The following HERC1 variants were observed in gnomAD, a reference collection of about 807,000 sequenced individuals.
HERC1 encodes probable E3 ubiquitin-protein ligase HERC1.
Under a neutral mutation model 554.3 loss-of-function variants are expected in HERC1, and 160 were observed. The observed-to-expected ratio is 0.29, with a 90% CI of 0.25 to 0.33. HERC1 has a LOEUF of 0.33. Among genes scored for constraint, HERC1 ranks in the 10% least tolerant of loss-of-function variants. The pLI, the probability that HERC1 is intolerant of heterozygous loss-of-function variation, is 1.00. For synonymous variants in HERC1, 2,175 were observed against 2,131.7 expected, an observed-to-expected ratio of 1.02 and a Z score of -0.56; for missense variants, 4,919 against 5,918.5, an observed-to-expected ratio of 0.83 and a Z score of 5.54.
At chr15:63,626,243 T>A in intron 70 of HERC1, 89 bp from the exon 71 acceptor site, 1 of 1,303,778 alleles carries the variant, frequency 7.7e-7, no homozygotes, top group Non-Finnish European at 1.1e-6. Context: ...ACAGAGAAGT[T>A]GAGATAATTA....
intron 26 of HERC1, 54 bp downstream of exon 26, chr15:63,698,674 G>C: frequency 6.6e-7 from 1 of 1,521,228 alleles, no homozygotes. Flanking sequence ...TACATTCAAT[G>C]GTTCAGTTTT....
chr15:63,723,076 A>T, intron 19 of HERC1, 106 bp downstream of exon 19: 3 of 622,040 alleles, frequency 4.8e-6, no homozygotes, highest in Non-Finnish European at 7.2e-6. Flanking sequence ...TTTTTCTATT[A>T]AAAAAAAGGG....
At chr15:63,739,721 C>G (rs1311879517) in intron 12 of HERC1, among the ~76,000 whole-genome samples, 2 of 151,982 alleles carry the variant, frequency 1.3e-5, no homozygotes, top group East Asian at 3.9e-4. Context: ...CGCCTGCAGT[C>G]CCGGCTACTC....
intron 5 of HERC1, among the ~76,000 whole-genome samples, chr15:63,755,604 C>G (rs532979182): frequency 1.3e-5 from 2 of 152,170 alleles, no homozygotes; most frequent in South Asian, 4.2e-4. Flanking sequence ...CATGGCAAAA[C>G]CCTGTTTCTT....
chr15:63,619,156 T>A (rs1318165919), intron 74 of HERC1, among the ~76,000 whole-genome samples: 1 of 152,204 alleles, frequency 6.6e-6, no homozygotes, highest in East Asian at 1.9e-4. Context: ...TCTTACTATT[T>A]TGAGATATGT....
At chr15:63,825,870 C>G (rs1280881839) in intron 1 of HERC1, among the ~76,000 whole-genome samples, 7 of 151,876 alleles carry the variant, frequency 4.6e-5, no homozygotes, top group African/African-American at 1.7e-4. Flanking sequence ...TCAAGTGATT[C>G]TCCTGCCTCA....
intron 2 of HERC1, among the ~76,000 whole-genome samples, chr15:63,767,786 T>C (rs932271942): frequency 2.6e-5 from 4 of 152,228 alleles, no homozygotes; most frequent in Admixed American, 2.0e-4. Context: ...GAGCTGAGTA[T>C]TACATGGCAG....
intron 77 of HERC1, among the ~76,000 whole-genome samples, chr15:63,609,591 G>C (rs1386586590): frequency 6.6e-6 from 1 of 152,184 alleles, no homozygotes; most frequent in Non-Finnish European, 1.5e-5. Flanking sequence ...TGTAGTAAGA[G>C]GGCACCTGTC....
Position 63,712,910 on chromosome 15 carries a change from C to CA in HERC1, c.4464-16dup, listed in dbSNP as rs369792267. 5.3e-3 allele frequency: 7,330 copies of CA among 1,372,942 alleles called. 54 individuals are homozygous for CA. Among genetic ancestry groups the CA allele is most frequent in the African/African-American group, 0.05 (3,332 of 66,846 alleles). The allele number at this position is 1,372,942 out of a possible 1,614,324, so 85.0% of individuals were successfully genotyped here. A position where few individuals can be genotyped will look rare whatever the true frequency, so the allele number is the denominator to read the frequency against. ...GACTTTCACTCCTGTCTCACATGTA[C>CA]AAAAAAAAAAGTTTTTTGATTTAGG... On this transcript the variant is annotated splice_polypyrimidine_tract_variant and intron_variant, in intron 23 of 77. Coordinates refer to ENST00000443617, the MANE Select transcript of HERC1 (RefSeq NM_003922.4).
intron 1 of HERC1, among the ~76,000 whole-genome samples, chr15:63,808,515 G>T (rs2077200097): frequency 6.6e-6 from 1 of 152,050 alleles, no homozygotes; most frequent in Admixed American, 6.5e-5. Context: ...CAAACTCCTG[G>T]CCTCAAGCAA....
rs1228727904 is a variant in HERC1, at chr15:63,616,458, C to T, written c.13913G>A (p.Ser4638Asn). 6.2e-7 allele frequency: 1 copy of T among 1,613,890 alleles called. No individual in the cohort carries two copies. ...TLNSILHIED[S>N]GITEESFHEM... ...ATGGAAACTCTCCTCGGTAATCCCA[C>T]TGTCTTCAATGTGAAGAATGCTGTT... The change falls in exon 75 of 78, where the codon AGT becomes AAT. Residue 4638 changes from serine to asparagine, a missense_variant. By Grantham distance (46) the Ser-to-Asn change is conservative (BLOSUM62 1). This residue lies in a region of HERC1 where 284 missense variants were observed against 294.1 expected (regional missense o/e 0.97). Transcript: ENST00000443617.
intron 68 of HERC1, among the ~76,000 whole-genome samples, chr15:63,631,921 ACT>A (rs200527326): frequency 6.6e-6 from 1 of 150,888 alleles, no homozygotes; most frequent in African/African-American, 2.4e-5. Flanking sequence ...CTCATTCTAT[ACT>A]CTCTCTCTCT....
chr15:63,639,470 T>A (rs1380044577), intron 61 of HERC1, among the ~76,000 whole-genome samples: 2 of 152,168 alleles, frequency 1.3e-5, no homozygotes, highest in Non-Finnish European at 2.9e-5. Flanking sequence ...ATTCCCAGCG[T>A]CAAGATTGCC....
chr15:63,646,732 C>G (rs1216429943), intron 55 of HERC1, among the ~76,000 whole-genome samples: 1 of 151,094 alleles, frequency 6.6e-6, no homozygotes, highest in African/African-American at 2.4e-5. Context: ...TGCTTGAACC[C>G]GGGAAGCAGA....
rs1382463360 is a variant in HERC1, at chr15:63,626,050, G to A, written c.13210C>T (p.Leu4404Phe). The A allele has an allele frequency of 6.2e-7, 1 of 1,612,734 alleles. No homozygotes were observed. The highest frequency in any genetic ancestry group is 8.5e-7 in the Non-Finnish European group (1 of 1,179,412). ...TACATGAGGTCAGAGAAGTGGTAGA[G>A]CAGCCGGAGCCTGGCCCGCACCGTG... ...IHTVRARLRL[L>F]YHFSDLMYSS... Residue 4404 changes from leucine (L) to phenylalanine (F), a missense_variant, in exon 71 of 78, where the codon CTC (leucine) becomes TTC (phenylalanine). Leu to Phe is a conservative substitution (Grantham distance 22). Transcript: ENST00000443617.
intron 1 of HERC1, among the ~76,000 whole-genome samples, chr15:63,806,776 C>A (rs1253168316): frequency 6.6e-6 from 1 of 152,154 alleles, no homozygotes; most frequent in Non-Finnish European, 1.5e-5. Context: ...AGAGAGATTG[C>A]CCCCACCCAC....
intron 52 of HERC1, among the ~76,000 whole-genome samples, chr15:63,651,907 G>C (rs142044246): frequency 0.013 from 1,943 of 152,168 alleles, 22 homozygotes; most frequent in East Asian, 0.023. Context: ...ATGGTGGCAG[G>C]CACCTGTAGT....
rs879070325 is a variant in HERC1 at position 63,652,566 on chromosome 15, T to C, written c.10291-25A>G. The C allele has an allele frequency of 6.6e-6, 10 of 1,524,250 alleles. No homozygotes were observed. The South Asian group carries it at 9.8e-5, about 15-fold the overall frequency. The allele number at this position is 1,524,250 out of a possible 1,614,324, so 94.4% of individuals were successfully genotyped here. On this transcript the variant is annotated intron_variant, in intron 51 of 77. Transcript: ENST00000443617. ...CCTAGAAAAGTTGAAACAGGTAGTC[T>C]AATAATTTTCTATTCAAATGATTTT...
chr15:63,659,490 C>T (rs1566982033), intron 47 of HERC1, among the ~76,000 whole-genome samples: 1 of 152,086 alleles, frequency 6.6e-6, no homozygotes, highest in Non-Finnish European at 1.5e-5. Context: ...TGGCCTCAAG[C>T]GACCTTCTTT....
Sources: allele counts gnomAD v4.1 joint callset (sites outside exome capture counted in the v4.1 genomes callset), GRCh38; gene constraint gnomAD v4.1.1; regional missense constraint gnomAD v4.1.1; transcripts MANE v1.5; gene names NCBI Gene and HGNC (gene_info 2026-07-23, HGNC 2026-07-21).